The following SPCS2 variants were observed in gnomAD, a reference collection of about 807,000 sequenced individuals.
The protein encoded by SPCS2 is signal peptidase complex subunit 2.
In SPCS2, 3 loss-of-function variants were observed where a neutral mutation model predicts 22.3. The ratio of observed to expected loss-of-function variants is 0.13; its 90% CI spans 0.06 to 0.35. The LOEUF (loss-of-function observed/expected upper bound fraction) is 0.35, where lower values mean the gene tolerates loss of function less well. Among genes scored for constraint, SPCS2 ranks in the 10% least tolerant of loss-of-function variants. The pLI is 1.00. For missense variants in SPCS2, 169 were observed against 280.9 expected (o/e 0.60, Z 2.85); for synonymous variants, 67 against 97.2 (o/e 0.69, Z 1.83).
At chr11:74,967,530 A>T (rs496698) in intron 3 of SPCS2, among the ~76,000 whole-genome samples, 2 of 152,082 alleles carry the variant, frequency 1.3e-5, no homozygotes, top group Admixed American at 6.5e-5. Flanking sequence ...CGGGCGAATC[A>T]CTTGAGCCCA....
At chr11:74,962,548 C>CAA (rs10708446) in intron 1 of SPCS2, among the ~76,000 whole-genome samples, 1,340 of 127,768 alleles carry the variant, frequency 0.01, 25 homozygotes, top group African/African-American at 0.038. Context: ...AAAATTGAGG[C>CAA]AAAAAAAAAA....
At position 74,956,064 on chromosome 11, in the gene SPCS2, T is replaced by C. The variant is rs531762700; in HGVS notation, c.114+6665T>C. ...CTTTACTTGGCTTCTAGGACACCAC[T>C]TGCCCCCAGCTTTCCTCCTACGTCA... On this transcript the variant is annotated intron_variant, in intron 1 of 4. Coordinates refer to ENST00000263672, the MANE Select transcript of SPCS2 (RefSeq NM_014752.3). Among the ~76,000 whole-genome samples the C allele has an allele frequency of 5.9e-5, 9 of 151,740 alleles. No homozygotes were observed. The East Asian group carries it at 1.8e-3, about 30-fold the overall frequency.
At chr11:74,976,094 A>C (rs1565488777) in intron 4 of SPCS2, among the ~76,000 whole-genome samples, 1 of 152,208 alleles carries the variant, frequency 6.6e-6, no homozygotes, top group Non-Finnish European at 1.5e-5. Flanking sequence ...TACAGAGTGC[A>C]AGGACTAGGC....
Position 74,949,306 on chromosome 11 carries a change from G to A in SPCS2, c.21G>A (p.Gln7=), listed in dbSNP as rs61739906. 7.1e-6 allele frequency: 11 copies of A among 1,550,368 alleles called. No individual in the cohort carries two copies. The highest frequency in any genetic ancestry group is 9.6e-6 in the Non-Finnish European group (11 of 1,146,602). MAAAAV[Q]GGRSGGSGGC... Reference sequence around the variant, plus strand: ...ACAAGATGGCGGCGGCAGCTGTACAGGGCGGGAGAAGCGGTGGTAGCGGAG... The same window carrying A: ...ACAAGATGGCGGCGGCAGCTGTACAAGGCGGGAGAAGCGGTGGTAGCGGAG... Residue 7 remains glutamine, a synonymous_variant, in exon 1 of 5, where the codon CAG becomes CAA. Coordinates refer to ENST00000263672, the MANE Select transcript of SPCS2 (RefSeq NM_014752.3).
At chr11:74,960,604 C>CT (rs34661795) in intron 1 of SPCS2, among the ~76,000 whole-genome samples, 68,096 of 151,160 alleles carry the variant, frequency 0.45, 15,719 homozygotes, top group Middle Eastern at 0.53. Flanking sequence ...GTTTCCTGTT[C>CT]TTTGTGTTTT....
Position 74,977,232 on chromosome 11 carries a change from A to C in SPCS2, c.*189A>C. The C allele has an allele frequency of 1.7e-6, 1 of 604,638 alleles. No homozygotes were observed. The highest frequency in any genetic ancestry group is 3.5e-5 in the East Asian group (1 of 28,724). 37.5% of individuals were successfully genotyped at this position (604,638 alleles called of 1,614,324 possible). On this transcript the variant is annotated 3_prime_UTR_variant, in exon 5 of 5. Transcript: ENST00000263672. ...ACAGATATGAGAAGTTGTAGCTCTG[A>C]TGTCTAGCTGTAGTCTCCTTGATCT...
intron 1 of SPCS2, among the ~76,000 whole-genome samples, chr11:74,959,050 A>G (rs541116396): frequency 6.6e-6 from 1 of 152,160 alleles, no homozygotes; most frequent in South Asian, 2.1e-4. Context: ...CTCATCTCCT[A>G]CTACTTTCCC....
chr11:74,975,277 TTC>T (rs1267706136), intron 4 of SPCS2, among the ~76,000 whole-genome samples: 1 of 152,182 alleles, frequency 6.6e-6, no homozygotes. Flanking sequence ...AGATAGCTTA[TTC>T]TCTTACCTTT....
At chr11:74,955,886 A>C (rs1458862193) in intron 1 of SPCS2, among the ~76,000 whole-genome samples, 5 of 128,898 alleles carry the variant, frequency 3.9e-5, no homozygotes, top group East Asian at 2.5e-4. Context: ...ATATATATAT[A>C]TCTGCCTGCC....
chr11:74,955,869 T>C (rs1591735425), intron 1 of SPCS2, among the ~76,000 whole-genome samples: 1 of 113,852 alleles, frequency 8.8e-6, no homozygotes, highest in African/African-American at 3.6e-5. Context: ...TATATATATA[T>C]ATATATATAT....
intron 4 of SPCS2, among the ~76,000 whole-genome samples, chr11:74,970,539 TA>T (rs1443465177): frequency 6.6e-6 from 1 of 152,236 alleles, no homozygotes; most frequent in African/African-American, 2.4e-5. Flanking sequence ...CTATTATACT[TA>T]ACTGGTGCAT....
chr11:74,968,716 G>A (rs1003888411), intron 3 of SPCS2, among the ~76,000 whole-genome samples: 1 of 151,916 alleles, frequency 6.6e-6, no homozygotes, highest in Non-Finnish European at 1.5e-5. Context: ...AGAGACATGG[G>A]GTTTCACCAT....
intron 3 of SPCS2, among the ~76,000 whole-genome samples, chr11:74,966,268 A>G (rs1948545094): frequency 6.6e-6 from 1 of 152,218 alleles, no homozygotes; most frequent in Non-Finnish European, 1.5e-5. Flanking sequence ...TGGCTGCTTC[A>G]AGCCACTCAT....
intron 1 of SPCS2, among the ~76,000 whole-genome samples, chr11:74,963,274 T>C (rs1162027756): frequency 4.6e-5 from 7 of 152,224 alleles, no homozygotes; most frequent in Non-Finnish European, 1.0e-4. Flanking sequence ...TAGTGCAGTA[T>C]GCTGCCATGA....
intron 1 of SPCS2, among the ~76,000 whole-genome samples, chr11:74,958,921 T>TA (rs879553603): frequency 2.3e-3 from 342 of 148,530 alleles, no homozygotes; most frequent in Middle Eastern, 3.4e-3. Flanking sequence ...TAAAATGACT[T>TA]AAAAAAAAAA....
chr11:74,949,278 C>G lies in SPCS2; in HGVS notation c.-8C>G, dbSNP rs964528958. 1.6e-5 allele frequency: 24 copies of G among 1,534,624 alleles called. No homozygotes were observed. In the Admixed American group the frequency reaches 4.4e-4, roughly 28 times the overall value. ...GTCGGAGGGGAGGGAGACGCAGAGG[C>G]GGACAAGATGGCGGCGGCAGCTGTA... On this transcript the variant is annotated 5_prime_UTR_variant, in exon 1 of 5. Coordinates refer to ENST00000263672, the MANE Select transcript of SPCS2 (RefSeq NM_014752.3).
intron 1 of SPCS2, chr11:74,963,832 G>A (rs1322624073): frequency 5.9e-6 from 1 of 170,904 alleles, no homozygotes; most frequent in Non-Finnish European, 1.3e-5. Flanking sequence ...TTGCTGGTTT[G>A]TAATTTTTAT....
intron 1 of SPCS2, among the ~76,000 whole-genome samples, chr11:74,964,640 C>T (rs1004742266): frequency 6.6e-6 from 1 of 152,182 alleles, no homozygotes; most frequent in Non-Finnish European, 1.5e-5. Context: ...TTTCTGTACT[C>T]ACATTTCGGT....
At chr11:74,957,199 G>A (rs1370287882) in intron 1 of SPCS2, among the ~76,000 whole-genome samples, 1 of 152,120 alleles carries the variant, frequency 6.6e-6, no homozygotes, top group Non-Finnish European at 1.5e-5. Context: ...AAAATAAAGA[G>A]TGTAATTGCC....
Sources: gnomAD v4.1 joint callset for allele counts (sites outside exome capture counted in the v4.1 genomes callset) on GRCh38, gnomAD v4.1.1 for gene constraint, MANE v1.5 for transcripts, NCBI Gene and HGNC (gene_info 2026-07-23, HGNC 2026-07-21) for gene names.